The following ADGB variants were observed in gnomAD, a reference collection of about 807,000 sequenced individuals.
The protein encoded by ADGB is androglobin.
A neutral mutation model predicts 210.5 loss-of-function variants in ADGB; 172 were observed. The ratio of observed to expected loss-of-function variants is 0.82; its 90% CI spans 0.72 to 0.93. ADGB has a LOEUF of 0.93. Among genes scored for constraint, ADGB ranks in the 40% least tolerant of loss-of-function variants. The probability of loss-of-function intolerance (pLI) is 0.00; values close to 1 mark genes in which losing one functional copy is unlikely to be tolerated. For synonymous variants in ADGB, 658 were observed against 662.7 expected, an observed-to-expected ratio of 0.99 and a Z score of 0.11; for missense variants, 2,025 against 1,964.8, an observed-to-expected ratio of 1.03 and a Z score of -0.58.
intron 1 of ADGB, among the ~76,000 whole-genome samples, chr6:146,606,456 A>G (rs1274810610): frequency 6.6e-6 from 1 of 152,174 alleles, no homozygotes; most frequent in Non-Finnish European, 1.5e-5. Flanking sequence ...AGCCTTCATC[A>G]TAAAATATTT....
chr6:146,809,723 TC>T (rs1343710340), intron 35 of ADGB, among the ~76,000 whole-genome samples: 1 of 151,868 alleles, frequency 6.6e-6, no homozygotes, highest in African/African-American at 2.4e-5. Flanking sequence ...TGAAAGAAAA[TC>T]GTTTCAAAAA....
At position 146,635,403 on chromosome 6, in the gene ADGB, T is replaced by C; in HGVS notation, c.103T>C (p.Ser35Pro). The C allele has an allele frequency of 6.5e-7, 1 of 1,543,436 alleles. No homozygotes were observed. The highest frequency in any genetic ancestry group is 8.7e-7 in the Non-Finnish European group (1 of 1,142,992). Residue 35 changes from serine (S) to proline (P), a missense_variant, in exon 2 of 36, where the codon TCT (serine) becomes CCT (proline). Ser to Pro is a moderately conservative substitution (Grantham distance 74, BLOSUM62 -1). Coordinates refer to ENST00000397944, the MANE Select transcript of ADGB (RefSeq NM_024694.4). ...DFYPFGSNVQ[S>P]GSTEQKKGKF... The stretch of plus-strand genomic sequence containing the variant: ...CTATCCTTTTGGCAGTAATGTACAA[T>C]CTGGTTCTACTGAACAAAAGAAGGG...
Position 146,685,792 on chromosome 6 carries a change from T to G in ADGB, c.1275T>G (p.Tyr425Ter), listed in dbSNP as rs758293335. The G allele has an allele frequency of 3.2e-6, 5 of 1,541,716 alleles. No individual in the cohort carries two copies. In the South Asian group the frequency reaches 6.0e-5, roughly 19 times the overall value. ...MVVYATFTPL[Y>*]LFENKIFSLE... is the part of the protein sequence containing the mutation. ...TATATGCGACATTTACACCTCTTTA[T>G]TTGTTTGAAAACAAGATCTTTTCAT... The change falls in exon 10 of 36, where the codon TAT becomes TAG. Residue 425 changes from tyrosine to a stop codon, truncating the protein, a stop_gained. Transcript: ENST00000397944. LOFTEE classifies it high-confidence loss of function.
intron 1 of ADGB, among the ~76,000 whole-genome samples, chr6:146,616,803 T>C (rs927527098): frequency 6.6e-6 from 1 of 152,018 alleles, no homozygotes; most frequent in Non-Finnish European, 1.5e-5. Flanking sequence ...CTGGTTTTGT[T>C]GTTGTTGTTG....
At position 146,769,001 on chromosome 6, in the gene ADGB, A is replaced by G. The variant is rs1193065445; in HGVS notation, c.3751-19A>G. On this transcript the variant is annotated intron_variant, in intron 28 of 35. Coordinates refer to ENST00000397944, the MANE Select transcript of ADGB (RefSeq NM_024694.4). ...ATGTATGTTCTTATCATTTTTAAAC[A>G]CTGCATTTTATTTCACAGAATTACA... 3.8e-6 allele frequency: 5 copies of G among 1,319,432 alleles called. No individual in the cohort carries two copies. The highest frequency in any genetic ancestry group is 5.2e-6 in the Non-Finnish European group (5 of 956,060). 81.7% of individuals were successfully genotyped at this position (1,319,432 alleles called of 1,614,324 possible). A position where few individuals can be genotyped will look rare whatever the true frequency, so the allele number is the denominator to read the frequency against.
intron 7 of ADGB, among the ~76,000 whole-genome samples, chr6:146,670,760 G>A (rs1775995263): frequency 6.6e-6 from 1 of 152,160 alleles, no homozygotes; most frequent in South Asian, 2.1e-4. Flanking sequence ...GTTTAGAACA[G>A]TGACACGGAA....
At chr6:146,686,552 T>A (rs1776236858) in intron 10 of ADGB, among the ~76,000 whole-genome samples, 1 of 152,112 alleles carries the variant, frequency 6.6e-6, no homozygotes, top group Non-Finnish European at 1.5e-5. Flanking sequence ...TTTCATGATG[T>A]TAAATTTTAA....
chr6:146,809,643 G>A (rs770037527), intron 35 of ADGB, among the ~76,000 whole-genome samples: 2 of 152,126 alleles, frequency 1.3e-5, no homozygotes, highest in East Asian at 1.9e-4. Context: ...ACCACATCCA[G>A]CTTAAAAATA....
intron 33 of ADGB, among the ~76,000 whole-genome samples, chr6:146,798,390 ACT>A (rs1778075990): frequency 6.6e-6 from 1 of 152,174 alleles, no homozygotes; most frequent in Non-Finnish European, 1.5e-5. Context: ...AAAGAAAGAA[ACT>A]CACAACAAAC....
At chr6:146,756,177 T>C (rs1174125214) in intron 27 of ADGB, among the ~76,000 whole-genome samples, 1 of 152,120 alleles carries the variant, frequency 6.6e-6, no homozygotes, top group Non-Finnish European at 1.5e-5. Flanking sequence ...CAGTGTTCTA[T>C]CCAGGAACTG....
At chr6:146,700,888 C>G (rs946918615) in intron 12 of ADGB, 53 bp from the exon 13 acceptor site, 24 of 1,522,280 alleles carry the variant, frequency 1.6e-5, no homozygotes, top group Non-Finnish European at 1.9e-5. Flanking sequence ...TTATTAATAA[C>G]TTTAAACAGA....
At chr6:146,813,362 T>C (rs1778331684) in intron 35 of ADGB, among the ~76,000 whole-genome samples, 3 of 152,210 alleles carry the variant, frequency 2.0e-5, no homozygotes, top group African/African-American at 7.2e-5. Flanking sequence ...TGGTGGTTTA[T>C]TGTGTTCTCA....
At chr6:146,651,858 G>GA (rs548613176) in intron 3 of ADGB, among the ~76,000 whole-genome samples, 2 of 152,026 alleles carry the variant, frequency 1.3e-5, no homozygotes, top group South Asian at 2.1e-4. Context: ...AGCAAGAAAG[G>GA]AAAAAAAGTT....
intron 2 of ADGB, among the ~76,000 whole-genome samples, chr6:146,637,366 A>C (rs1775439674): frequency 6.6e-6 from 1 of 152,042 alleles, no homozygotes; most frequent in Non-Finnish European, 1.5e-5. Context: ...ATGGCAGAGA[A>C]GCAATCTGAA....
At position 146,784,713 on chromosome 6, in the gene ADGB, GA is replaced by G; in HGVS notation, c.4136del (p.Lys1379ArgfsTer12). 1 of 1,551,198 alleles carries G rather than the reference GA, an allele frequency of 6.4e-7. No homozygotes were observed. Among genetic ancestry groups the G allele is most frequent in the Non-Finnish European group, 8.7e-7 (1 of 1,146,734 alleles). ...ACAATGAATCAGAATTATTTGAAGT[GA>G]AAAAGGATACAGAAAGGGCAGATGA... is the stretch of plus-strand genomic sequence containing the variant. ...EHNESELFEV[K>X]KDTERADEIR... On this transcript the variant is annotated frameshift_variant, in exon 31 of 36. Transcript: ENST00000397944. LOFTEE classifies it high-confidence loss of function.
rs35756296 is a variant in ADGB, at chr6:146,799,535, GAAA to G, written c.4538-1632_4538-1630del. Among the ~76,000 whole-genome samples, 28 of 93,482 alleles carry G rather than the reference GAAA, an allele frequency of 3.0e-4. No homozygotes were observed. The East Asian group carries it at 7.7e-3, about 26-fold the overall frequency. 61.3% of individuals were successfully genotyped at this position (93,482 alleles called of 152,430 possible). On this transcript the variant is annotated intron_variant, in intron 33 of 35. Transcript: ENST00000397944. ...GCAACAGAGCAAGACTCTGGGGGGA[GAAA>G]AAAAAAAAAAAAAAAGGAAGGAAGG... is the stretch of plus-strand genomic sequence containing the variant.
At chr6:146,658,991 G>C (rs1775820124) in intron 5 of ADGB, among the ~76,000 whole-genome samples, 2 of 152,152 alleles carry the variant, frequency 1.3e-5, no homozygotes, top group Non-Finnish European at 2.9e-5. Context: ...AGTAGAATCT[G>C]TTCTCTCTAG....
At chr6:146,705,682 T>C (rs1776559963) in intron 13 of ADGB, among the ~76,000 whole-genome samples, 1 of 152,168 alleles carries the variant, frequency 6.6e-6, no homozygotes, top group South Asian at 2.1e-4. Context: ...TGTTTACTAG[T>C]ATTTTGTTAA....
At chr6:146,660,536 C>T (rs1319278712) in intron 5 of ADGB, among the ~76,000 whole-genome samples, 1 of 151,906 alleles carries the variant, frequency 6.6e-6, no homozygotes, top group African/African-American at 2.4e-5. Flanking sequence ...ATTCTGTACA[C>T]TATTCTTTTC....
Sources: allele counts gnomAD v4.1 joint callset (sites outside exome capture counted in the v4.1 genomes callset), GRCh38; gene constraint gnomAD v4.1.1; transcripts MANE v1.5; gene names NCBI Gene and HGNC (gene_info 2026-07-23, HGNC 2026-07-21).